The following MDGA2 variants were observed in gnomAD, a reference collection of about 807,000 sequenced individuals.
The protein encoded by MDGA2 is MAM domain containing glycosylphosphatidylinositol anchor 2.
MDGA2 carries 40 observed loss-of-function variants against 117.8 expected under a neutral mutation model. The observed-to-expected ratio is 0.34, with a 90% CI of 0.26 to 0.44. The LOEUF (loss-of-function observed/expected upper bound fraction) is 0.44. Ranked by LOEUF, MDGA2 falls within the 20% of genes least tolerant of loss-of-function variation. MDGA2 has a pLI of 1.00. For synonymous variants in MDGA2, 452 were observed against 439.0 expected, an observed-to-expected ratio of 1.03 and a Z score of -0.37; for missense variants, 1,123 against 1,250.6, an observed-to-expected ratio of 0.90 and a Z score of 1.54.
At chr14:47,530,542 C>T (rs1566500757) in intron 1 of MDGA2, among the ~76,000 whole-genome samples, 1 of 152,150 alleles carries the variant, frequency 6.6e-6, no homozygotes, top group Non-Finnish European at 1.5e-5. Context: ...GACCTTCTCA[C>T]CTCATAATCA....
At chr14:47,640,953 C>T (rs1012333971) in intron 1 of MDGA2, among the ~76,000 whole-genome samples, 6 of 151,908 alleles carry the variant, frequency 3.9e-5, no homozygotes, top group Non-Finnish European at 5.9e-5. Context: ...CAAGAAAGTA[C>T]GTATCAACCA....
intron 3 of MDGA2, among the ~76,000 whole-genome samples, chr14:47,166,965 C>T (rs1188193373): frequency 1.3e-5 from 2 of 152,116 alleles, no homozygotes; most frequent in Admixed American, 6.5e-5. Flanking sequence ...GCCAAGTATC[C>T]GGCACATAGA....
At chr14:47,090,872 C>T (rs951199034) in intron 6 of MDGA2, among the ~76,000 whole-genome samples, 2 of 152,120 alleles carry the variant, frequency 1.3e-5, no homozygotes, top group Admixed American at 6.6e-5. Context: ...CTTCTTAGTC[C>T]AGGCACTAGT....
intron 8 of MDGA2, among the ~76,000 whole-genome samples, chr14:47,008,122 A>G (rs1335116315): frequency 6.6e-6 from 1 of 151,932 alleles, no homozygotes; most frequent in Non-Finnish European, 1.5e-5. Context: ...GGATAAATAT[A>G]TACTGAGTCT....
At chr14:46,888,503 C>T (rs1442046307) in intron 10 of MDGA2, among the ~76,000 whole-genome samples, 1 of 151,902 alleles carries the variant, frequency 6.6e-6, no homozygotes, top group Non-Finnish European at 1.5e-5. Context: ...CTCCCAAGTA[C>T]CCTAAAGTGA....
chr14:47,485,374 T>G (rs953345808), intron 1 of MDGA2, among the ~76,000 whole-genome samples: 10 of 152,130 alleles, frequency 6.6e-5, no homozygotes, highest in Admixed American at 6.6e-4. Context: ...TTCTAAGCAC[T>G]GAAGCAGTTA....
intron 1 of MDGA2, among the ~76,000 whole-genome samples, chr14:47,306,842 G>GAGGGA (rs1889463106): frequency 6.8e-6 from 1 of 146,598 alleles, no homozygotes; most frequent in Admixed American, 6.7e-5. Flanking sequence ...AGAGAAAGAG[G>GAGGGA]GAGAGAGAGA....
At chr14:47,262,326 T>C (rs1272198945) in intron 2 of MDGA2, among the ~76,000 whole-genome samples, 2 of 152,172 alleles carry the variant, frequency 1.3e-5, no homozygotes, top group African/African-American at 4.8e-5. Context: ...CAACCTTGTT[T>C]TGAATTTTCA....
chr14:47,630,128 C>T (rs779589558), intron 1 of MDGA2, among the ~76,000 whole-genome samples: 24 of 150,656 alleles, frequency 1.6e-4, no homozygotes, highest in Middle Eastern at 7.0e-3. Context: ...AAAAAATACA[C>T]ACAAACACAC....
At chr14:47,161,502 G>GTT (rs1883631752) in intron 3 of MDGA2, among the ~76,000 whole-genome samples, 1 of 151,218 alleles carries the variant, frequency 6.6e-6, no homozygotes, top group South Asian at 2.1e-4. Context: ...AGAATGTAAG[G>GTT]TTATATATAT....
rs180839264 is a variant in MDGA2 at position 46,919,728 on chromosome 14, T to A, written c.2238+284A>T. Among the ~76,000 whole-genome samples the A allele has an allele frequency of 4.4e-4, 67 of 152,270 alleles. 2 individuals are homozygous for A. In the South Asian group the frequency reaches 8.5e-3, roughly 19 times the overall value. On this transcript the variant is annotated intron_variant, in intron 10 of 16. Transcript: ENST00000399232. Reference sequence around the variant, plus strand: ...AGTTATACCATGTAATTTATCTCTCTTATCTAGTGATGAAGGATTTTAGAA... The same window carrying A: ...AGTTATACCATGTAATTTATCTCTCATATCTAGTGATGAAGGATTTTAGAA...
At chr14:47,383,060 T>C (rs1203239029) in intron 1 of MDGA2, among the ~76,000 whole-genome samples, 1 of 152,134 alleles carries the variant, frequency 6.6e-6, no homozygotes, top group East Asian at 1.9e-4. Context: ...TGTAGGGACA[T>C]GGATGATGCT....
intron 5 of MDGA2, among the ~76,000 whole-genome samples, chr14:47,112,260 G>C (rs963300601): frequency 6.6e-6 from 1 of 152,140 alleles, no homozygotes; most frequent in African/African-American, 2.4e-5. Flanking sequence ...TTTATTTTAA[G>C]TTCTGGGATA....
chr14:47,201,778 T>C (rs150006560), intron 3 of MDGA2, among the ~76,000 whole-genome samples: 1 of 152,326 alleles, frequency 6.6e-6, no homozygotes, highest in Non-Finnish European at 1.5e-5. Context: ...TCTGAGTTTT[T>C]ATTCCAGTCC....
At chr14:47,247,952 T>C (rs1887304557) in intron 2 of MDGA2, among the ~76,000 whole-genome samples, 2 of 151,572 alleles carry the variant, frequency 1.3e-5, no homozygotes, top group South Asian at 4.2e-4. Flanking sequence ...GCTTCATTCA[T>C]GTCCCTGCAA....
At chr14:47,424,800 T>C (rs1892651464) in intron 1 of MDGA2, among the ~76,000 whole-genome samples, 3 of 152,186 alleles carry the variant, frequency 2.0e-5, no homozygotes. Flanking sequence ...AAGATAGAAG[T>C]TCTCATTCTC....
At chr14:47,434,216 T>C (rs1892854232) in intron 1 of MDGA2, among the ~76,000 whole-genome samples, 1 of 152,076 alleles carries the variant, frequency 6.6e-6, no homozygotes, top group Non-Finnish European at 1.5e-5. Context: ...TCTGTGATAC[T>C]TCCAATTTTG....
intron 1 of MDGA2, among the ~76,000 whole-genome samples, chr14:47,544,689 G>T (rs1703532910): frequency 1.3e-5 from 2 of 152,278 alleles, no homozygotes; most frequent in Middle Eastern, 3.4e-3. Context: ...GCTGGGCTGT[G>T]AGGACTCTGT....
intron 1 of MDGA2, among the ~76,000 whole-genome samples, chr14:47,513,375 A>C (rs992098736): frequency 1.3e-5 from 2 of 152,120 alleles, no homozygotes; most frequent in African/African-American, 4.8e-5. Flanking sequence ...TAATATATAC[A>C]TGGGACAATT....
Sources: gnomAD v4.1 joint callset for allele counts (sites outside exome capture counted in the v4.1 genomes callset) on GRCh38, gnomAD v4.1.1 for gene constraint, MANE v1.5 for transcripts, NCBI Gene and HGNC (gene_info 2026-07-23, HGNC 2026-07-21) for gene names.